The following WDPCP variants were observed in gnomAD, a reference collection of about 807,000 sequenced individuals.
The protein encoded by WDPCP is WD repeat containing planar cell polarity effector.
Under a neutral mutation model 93.1 loss-of-function variants are expected in WDPCP, and 71 were observed. The observed-to-expected ratio is 0.76, with a 90% CI of 0.63 to 0.93. The LOEUF (loss-of-function observed/expected upper bound fraction) is 0.93, where lower values mean the gene tolerates loss of function less well. Among genes scored for constraint, WDPCP ranks in the 40% least tolerant of loss-of-function variants. The pLI is 0.00. For missense variants in WDPCP, 844 were observed against 887.4 expected, an observed-to-expected ratio of 0.95 and a Z score of 0.62; for synonymous variants, 315 against 315.0, an observed-to-expected ratio of 1.00 and a Z score of 0.00.
the WDPCP span, among the ~76,000 whole-genome samples, chr2:63,833,463 T>G: frequency 1.3e-5 from 2 of 152,228 alleles, no homozygotes; most frequent in Non-Finnish European, 2.9e-5. Flanking sequence ...TGTACTCCTC[T>G]GCTTCCCTAG....
At chr2:63,285,952 C>T (rs912852777) in intron 13 of WDPCP, among the ~76,000 whole-genome samples, 1 of 152,038 alleles carries the variant, frequency 6.6e-6, no homozygotes, top group Non-Finnish European at 1.5e-5. Context: ...TCTTTCAGTA[C>T]ACATGGAACA....
At chr2:63,182,324 A>C (rs780293475) in intron 14 of WDPCP, among the ~76,000 whole-genome samples, 1 of 151,952 alleles carries the variant, frequency 6.6e-6, no homozygotes, top group Non-Finnish European at 1.5e-5. Flanking sequence ...TGTTCCCTCT[A>C]TGCCTAGTTT....
At chr2:63,284,143 T>G (rs1168393127) in intron 13 of WDPCP, among the ~76,000 whole-genome samples, 2 of 152,186 alleles carry the variant, frequency 1.3e-5, no homozygotes. Flanking sequence ...GCATGTATTA[T>G]ATATAAAAGT....
chr2:63,642,868 T>G (rs1346865189), intron 3 of WDPCP: 1 of 152,222 alleles, frequency 6.6e-6, no homozygotes, highest in African/African-American at 2.4e-5. Context: ...TTAATAACAG[T>G]GACAAAAGTG....
At chr2:63,489,697 C>A (rs1482183384) in intron 2 of WDPCP, among the ~76,000 whole-genome samples, 2 of 151,986 alleles carry the variant, frequency 1.3e-5, no homozygotes, top group East Asian at 3.9e-4. Context: ...ACAATTTAAA[C>A]ATCAAAATAC....
intron 13 of WDPCP, among the ~76,000 whole-genome samples, chr2:63,271,225 A>G (rs1343429165): frequency 6.6e-6 from 1 of 152,238 alleles, no homozygotes; most frequent in Non-Finnish European, 1.5e-5. Context: ...CACTGACAGC[A>G]GCCCTTCCTT....
intron 3 of WDPCP, among the ~76,000 whole-genome samples, chr2:63,596,332 G>T (rs1224237560): frequency 6.6e-6 from 1 of 152,116 alleles, no homozygotes; most frequent in Non-Finnish European, 1.5e-5. Flanking sequence ...TGCTAGAAGG[G>T]ATACTCTGCC....
At chr2:63,235,781 T>C (rs992937193) in intron 14 of WDPCP, among the ~76,000 whole-genome samples, 1 of 152,134 alleles carries the variant, frequency 6.6e-6, no homozygotes, top group African/African-American at 2.4e-5. Context: ...AAAAAGCCTT[T>C]GATAACATCC....
chr2:63,379,192 T>C lies in WDPCP; in HGVS notation c.1625-683A>G, dbSNP rs113217225. Reference sequence around the variant, plus strand: ...TCAGAATTTTACCAAGACATGCTCATGGGACTAGGTTTTTTCCCAGAAATA... The same window carrying C: ...TCAGAATTTTACCAAGACATGCTCACGGGACTAGGTTTTTTCCCAGAAATA... On this transcript the variant is annotated intron_variant, in intron 11 of 17. Coordinates refer to ENST00000272321, the MANE Select transcript of WDPCP (RefSeq NM_015910.7). 4.9e-4 allele frequency among the ~76,000 whole-genome samples: 75 copies of C among 152,124 alleles called. 1 individual carries two copies. Among genetic ancestry groups the C allele is most frequent in the Non-Finnish European group, 1.2e-4 (8 of 68,000 alleles).
chr2:63,498,958 G>C (rs753985699), intron 1 of WDPCP, among the ~76,000 whole-genome samples: 8 of 152,200 alleles, frequency 5.3e-5, no homozygotes, highest in African/African-American at 9.6e-5. Context: ...AAAGAATGGA[G>C]TACTAGAAAC....
intron 2 of WDPCP, among the ~76,000 whole-genome samples, chr2:63,764,453 T>G (rs1670108720): frequency 6.6e-6 from 1 of 152,152 alleles, no homozygotes; most frequent in African/African-American, 2.4e-5. Flanking sequence ...CTGAGAAAGC[T>G]ACCTGGGATG....
intron 17 of WDPCP, among the ~76,000 whole-genome samples, chr2:63,146,168 T>C (rs537992076): frequency 6.6e-6 from 1 of 152,326 alleles, no homozygotes; most frequent in South Asian, 2.1e-4. Context: ...TAGTTTGACT[T>C]CCTCTCTTCC....
intron 10 of WDPCP, chr2:63,403,825 C>G: frequency 3.5e-6 from 2 of 570,246 alleles, no homozygotes; most frequent in East Asian, 3.2e-5. Flanking sequence ...TTTGAAGCAT[C>G]ATGATTGACA....
chr2:63,795,437 A>G (rs1384958241), intron 2 of WDPCP, among the ~76,000 whole-genome samples: 2 of 151,744 alleles, frequency 1.3e-5, no homozygotes, highest in Admixed American at 6.6e-5. Flanking sequence ...AGGGTGAGGC[A>G]GGAGGATCAC....
rs878890702 is a variant in WDPCP at position 63,381,277 on chromosome 2, CT to C, written c.1624+628del. 9.2e-5 allele frequency among the ~76,000 whole-genome samples: 14 copies of C among 152,202 alleles called. 1 individual carries two copies. Among genetic ancestry groups the C allele is most frequent in the Admixed American group, 6.5e-4 (10 of 15,272 alleles). ...ACAGCATTCCCCACTGCCCCACCCCCTGACCTTAGTTTTTTTACCTTCTCTT... is the reference window on the plus strand; with the variant it reads ...ACAGCATTCCCCACTGCCCCACCCCCGACCTTAGTTTTTTTACCTTCTCTT... On this transcript the variant is annotated intron_variant, in intron 11 of 17. Coordinates refer to ENST00000272321, the MANE Select transcript of WDPCP (RefSeq NM_015910.7).
intron 3 of WDPCP, among the ~76,000 whole-genome samples, chr2:63,648,397 T>C (rs1710075789): frequency 6.6e-6 from 1 of 152,218 alleles, no homozygotes; most frequent in Non-Finnish European, 1.5e-5. Context: ...TTTGAAGTAT[T>C]ATTTATATAC....
intron 2 of WDPCP, among the ~76,000 whole-genome samples, chr2:63,800,011 T>C (rs1173799732): frequency 1.3e-5 from 2 of 152,234 alleles, no homozygotes; most frequent in African/African-American, 4.8e-5. Flanking sequence ...GTTTTTTATG[T>C]TCTTCCTTGG....
intron 2 of WDPCP, chr2:63,717,560 T>G: frequency 2.0e-6 from 1 of 512,374 alleles, no homozygotes; most frequent in South Asian, 1.4e-5. Flanking sequence ...TGCAGTCTTC[T>G]AAGGAAGACT....
intron 13 of WDPCP, among the ~76,000 whole-genome samples, chr2:63,301,784 G>A (rs1158912148): frequency 6.7e-6 from 1 of 149,078 alleles, no homozygotes; most frequent in Admixed American, 6.9e-5. Context: ...AGGAGACAAA[G>A]GGATGCCTTT....
Sources: gnomAD v4.1 joint callset for allele counts (sites outside exome capture counted in the v4.1 genomes callset) on GRCh38, gnomAD v4.1.1 for gene constraint, MANE v1.5 for transcripts, NCBI Gene and HGNC (gene_info 2026-07-23, HGNC 2026-07-21) for gene names.